Variants in CALD1 observed in about 807,000 individuals in gnomAD.
CALD1 encodes caldesmon 1.
A neutral mutation model predicts 99.9 loss-of-function variants in CALD1; 33 were observed. That is an observed-to-expected ratio of 0.33 (90% CI 0.25 to 0.44). The LOEUF is 0.44. CALD1 is among the 20% of genes least tolerant of loss of function. CALD1 has a pLI of 1.00. For synonymous variants in CALD1, 310 were observed against 325.0 expected, an observed-to-expected ratio of 0.95 and a Z score of 0.50; for missense variants, 861 against 962.1, an observed-to-expected ratio of 0.89 and a Z score of 1.39.
chr7:134,732,435 C>A, the CALD1 span, among the ~76,000 whole-genome samples: 1 of 152,114 alleles, frequency 6.6e-6, no homozygotes, highest in Non-Finnish European at 1.5e-5. Context: ...GAGGGCAGAG[C>A]CCTCGTGAAT....
At chr7:134,821,279 GT>G (rs34123650) in intron 1 of CALD1, among the ~76,000 whole-genome samples, 50,681 of 151,782 alleles carry the variant, frequency 0.33, 9,578 homozygotes, top group East Asian at 0.68. Context: ...CAGTCTTTTA[GT>G]TTTTTTCATA....
At chr7:134,820,812 G>T (rs1329387392) in intron 1 of CALD1, among the ~76,000 whole-genome samples, 2 of 152,174 alleles carry the variant, frequency 1.3e-5, no homozygotes, top group South Asian at 4.1e-4. Context: ...ACTGTAGGAA[G>T]TGTTGACTTC....
intron 3 of CALD1, among the ~76,000 whole-genome samples, chr7:134,888,165 T>C (rs1295938889): frequency 2.0e-5 from 3 of 152,202 alleles, no homozygotes; most frequent in African/African-American, 7.2e-5. Context: ...CCAGAATCTC[T>C]TTGATGAAAA....
chr7:134,933,222 A>T lies in CALD1; in HGVS notation c.453A>T (p.Glu151Asp), dbSNP rs757957460. Residue 151 changes from glutamate (E) to aspartate (D), a missense_variant, in exon 5 of 15, where the codon GAA becomes GAT. Around this residue, in one of 5 missense-constraint regions of CALD1, gnomAD observed 234 missense variants for 233.1 expected, o/e 1.00. Transcript: ENST00000361675. Reference protein sequence around the residue: ...TAENETTEKEEKSESRQERYE... With the variant: ...TAENETTEKEDKSESRQERYE... ...AAAATGAAACTACCGAGAAGGAAGA[A>T]AAAAGTGAAAGTCGCCAAGAAAGAT... 6.2e-7 allele frequency: 1 copy of T among 1,611,114 alleles called. No individual in the cohort carries two copies. Among genetic ancestry groups the T allele is most frequent in the East Asian group, 2.2e-5 (1 of 44,836 alleles).
At chr7:134,929,646 G>GTATATATATATATA (rs1159515485) in intron 4 of CALD1, among the ~76,000 whole-genome samples, 1 of 7,918 alleles carries the variant, frequency 1.3e-4, no homozygotes, top group Non-Finnish European at 3.1e-4. Flanking sequence ...GTGTGTGTGT[G>GTATATATATATATA]TATATATATA....
intron 1 of CALD1, among the ~76,000 whole-genome samples, chr7:134,762,912 G>C (rs941494674): frequency 1.2e-4 from 18 of 152,268 alleles, no homozygotes; most frequent in African/African-American, 4.1e-4. Flanking sequence ...AGATCAGGAA[G>C]TTAAAATGCT....
intron 1 of CALD1, 40 bp downstream of exon 1, chr7:134,779,789 A>G (rs1256026752): frequency 2.5e-6 from 1 of 398,114 alleles, no homozygotes; most frequent in East Asian, 3.6e-5. Context: ...TTCTAGAGAG[A>G]ATCTGGGGAC....
intron 8 of CALD1, 82 bp downstream of exon 8, chr7:134,947,851 C>T: frequency 6.7e-7 from 1 of 1,491,982 alleles, no homozygotes; most frequent in Non-Finnish European, 9.0e-7. Context: ...AGCATGGGCT[C>T]TCAAAAATAT....
At chr7:134,866,086 C>T (rs1800790103) in intron 2 of CALD1, among the ~76,000 whole-genome samples, 1 of 152,070 alleles carries the variant, frequency 6.6e-6, no homozygotes, top group Non-Finnish European at 1.5e-5. Context: ...GAGTTTAGAC[C>T]CTACTGCCCA....
At chr7:134,959,250 G>A (rs986557008) in intron 11 of CALD1, among the ~76,000 whole-genome samples, 3 of 151,434 alleles carry the variant, frequency 2.0e-5, no homozygotes, top group African/African-American at 7.3e-5. Flanking sequence ...GTGCAATCTC[G>A]GCTCACTGCA....
At chr7:134,944,690 T>C (rs781645398) in intron 7 of CALD1, 6 of 152,180 alleles carry the variant, frequency 3.9e-5, no homozygotes, top group Non-Finnish European at 5.9e-5. Context: ...TAGACAAAAG[T>C]GTCAGGAATA....
At chr7:134,865,005 A>T (rs909439587) in intron 2 of CALD1, among the ~76,000 whole-genome samples, 53 of 152,062 alleles carry the variant, frequency 3.5e-4, no homozygotes, top group African/African-American at 1.3e-3. Flanking sequence ...TCTATTTGTG[A>T]CACCCAGAGC....
At chr7:134,763,030 CTCTA>C (rs999156642) in intron 1 of CALD1, among the ~76,000 whole-genome samples, 6 of 152,150 alleles carry the variant, frequency 3.9e-5, no homozygotes, top group African/African-American at 1.4e-4. Flanking sequence ...AGGACCATAT[CTCTA>C]TCTATCTATA....
intron 13 of CALD1, chr7:134,961,110 G>A (rs1300684947): frequency 6.6e-6 from 1 of 152,384 alleles, no homozygotes; most frequent in African/African-American, 2.4e-5. Flanking sequence ...TTGGGTAGCT[G>A]TTGAAATAAT....
At chr7:134,785,592 G>A (rs2131711902) in intron 1 of CALD1, among the ~76,000 whole-genome samples, 1 of 152,300 alleles carries the variant, frequency 6.6e-6, no homozygotes, top group Non-Finnish European at 1.5e-5. Flanking sequence ...TGTTTGTCAA[G>A]TGGACTAAAA....
Position 134,935,701 on chromosome 7 carries a change from G to A in CALD1, c.1322G>A (p.Gly441Glu). 2.5e-6 allele frequency: 4 copies of A among 1,604,670 alleles called. No individual in the cohort carries two copies. The highest frequency in any genetic ancestry group is 3.4e-6 in the Non-Finnish European group (4 of 1,176,020). ...GAAAATAAAAAGGGAGAAGAGAAGG[G>A]AACTAAAGTGCAAGCTAAAAGAGAA... Reference protein sequence around the residue: ...AVLKKQGEEKGTKVQAKREKL... With the variant: ...AVLKKQGEEKETKVQAKREKL... Residue 441 changes from glycine (G) to glutamate (E), a missense_variant, in exon 6 of 15, where the codon GGA becomes GAA. This residue lies in a region of CALD1 where 293 missense variants were observed against 262.7 expected (regional missense o/e 1.12). Coordinates refer to ENST00000361675, the MANE Select transcript of CALD1 (RefSeq NM_033138.4).
intron 13 of CALD1, among the ~76,000 whole-genome samples, chr7:134,964,017 T>C (rs1301135256): frequency 1.3e-5 from 2 of 152,098 alleles, no homozygotes; most frequent in Non-Finnish European, 2.9e-5. Flanking sequence ...GCTAACATGG[T>C]GAAACCCCAT....
At chr7:134,887,629 T>C (rs1801922024) in intron 3 of CALD1, among the ~76,000 whole-genome samples, 1 of 151,624 alleles carries the variant, frequency 6.6e-6, no homozygotes, top group African/African-American at 2.4e-5. Context: ...TGTGTGTGCC[T>C]GTGTGTACAT....
rs1364630193 is a variant in CALD1 at position 134,947,509 on chromosome 7, C to T, written c.1534C>T (p.Arg512Cys). Reference protein sequence around the residue: ...KLKHTENTFSRPGGRASVDTK... With the variant: ...KLKHTENTFSCPGGRASVDTK... ...CTTTCCATTGCCCCCCAACCACAGCCGCCCTGGAGGGAGGGCCAGCGTGGA... is the reference window on the plus strand; with the variant it reads ...CTTTCCATTGCCCCCCAACCACAGCTGCCCTGGAGGGAGGGCCAGCGTGGA... Residue 512 changes from arginine (R) to cysteine (C), a missense_variant and splice_region_variant, in exon 8 of 15, where the codon CGC becomes TGC. By Grantham distance (180) the Arg-to-Cys change is radical. Coordinates refer to ENST00000361675, the MANE Select transcript of CALD1 (RefSeq NM_033138.4). The T allele has an allele frequency of 6.4e-7, 1 of 1,567,114 alleles. No homozygotes were observed. Among genetic ancestry groups the T allele is most frequent in the South Asian group, 1.2e-5 (1 of 85,066 alleles).
Sources: gnomAD v4.1 joint callset for allele counts (sites outside exome capture counted in the v4.1 genomes callset) on GRCh38, gnomAD v4.1.1 for gene constraint, gnomAD v4.1.1 regional missense constraint, MANE v1.5 for transcripts, NCBI Gene and HGNC (gene_info 2026-07-23, HGNC 2026-07-21) for gene names.